The following CACNA1C variants were observed in gnomAD, a reference collection of about 807,000 sequenced individuals.
The protein encoded by CACNA1C is calcium voltage-gated channel subunit alpha1 C, also known as voltage-dependent L-type calcium channel subunit alpha-1C.
A neutral mutation model predicts 229.0 loss-of-function variants in CACNA1C; 30 were observed. The observed-to-expected ratio is 0.13, with a 90% CI of 0.10 to 0.18. The LOEUF (loss-of-function observed/expected upper bound fraction) is 0.18, where lower values mean the gene tolerates loss of function less well. CACNA1C is among the 10% of genes least tolerant of loss of function. CACNA1C has a pLI of 1.00. For missense variants in CACNA1C, 1,658 were observed against 2,845.0 expected (o/e 0.58, Z 9.49); for synonymous variants, 1,114 against 1,132.5 (o/e 0.98, Z 0.33).
chr12:2,565,420 T>C (rs995433714), intron 11 of CACNA1C, among the ~76,000 whole-genome samples: 2 of 146,660 alleles, frequency 1.4e-5, no homozygotes, highest in Non-Finnish European at 3.0e-5. Flanking sequence ...TGAGCCGAGA[T>C]TGCGCCACTG....
rs1433053196 is a variant in CACNA1C, at chr12:2,034,648, AAAT to A, written c.139+63451_139+63453del. On this transcript the variant is annotated intron_variant, in intron 1 of 46. Coordinates refer to the CACNA1C transcript ENST00000682462. The surrounding 1 kb of genome is among the most constrained non-coding windows in gnomAD (Gnocchi z 4.1). ...GCTGGTTCAATATCCGACGACTTTG[AAAT>A]AATTCGAGGGCTAACTGGCTCATCT... Among the ~76,000 whole-genome samples, 1 of 152,214 alleles carries A rather than the reference AAAT, an allele frequency of 6.6e-6. No homozygotes were observed. The highest frequency in any genetic ancestry group is 1.9e-4 in the East Asian group (1 of 5,200).
chr12:2,391,210 A>G (rs573393740), intron 3 of CACNA1C, among the ~76,000 whole-genome samples: 49 of 152,150 alleles, frequency 3.2e-4, no homozygotes, highest in Non-Finnish European at 5.3e-4. Context: ...ACCAAAGGCC[A>G]TTTGGGGCAT....
intron 3 of CACNA1C, among the ~76,000 whole-genome samples, chr12:2,266,036 C>T (rs183106916): frequency 6.5e-4 from 99 of 152,328 alleles, no homozygotes; most frequent in Non-Finnish European, 9.7e-4. Flanking sequence ...CGTTGGGCTC[C>T]GTGGACACAG....
At position 2,653,858 on chromosome 12, in the gene CACNA1C, G is replaced by T. The variant is rs1291668631; in HGVS notation, c.4098G>T (p.Leu1366=). 1 of 1,613,818 alleles carries T rather than the reference G, an allele frequency of 6.2e-7. No individual in the cohort carries two copies. The highest frequency in any genetic ancestry group is 1.6e-4 in the Middle Eastern group (1 of 6,084). Residue 1366 remains leucine, a synonymous_variant, in exon 33 of 47, where the codon CTG becomes CTT. Coordinates refer to ENST00000399655, the MANE Select transcript of CACNA1C (RefSeq NM_000719.7). This position sits in a 1 kb window ranked among gnomAD's most constrained non-coding sequence, Gnocchi z 4.7. ...SFQALPYVAL[L]IVMLFFIYAV... ...AGGCCCTGCCCTATGTGGCCCTCCT[G>T]ATCGTGATGCTGTTCTTCATCTACG... is the stretch of plus-strand genomic sequence containing the variant.
intron 1 of CACNA1C, among the ~76,000 whole-genome samples, chr12:2,063,701 G>A (rs1380639378): frequency 6.6e-6 from 1 of 152,152 alleles, no homozygotes; most frequent in Admixed American, 6.5e-5. Flanking sequence ...GTTCATCCAC[G>A]TTGTACCATG....
At chr12:2,513,630 G>A (rs1030511954) in intron 9 of CACNA1C, among the ~76,000 whole-genome samples, 1 of 152,222 alleles carries the variant, frequency 6.6e-6, no homozygotes, top group African/African-American at 2.4e-5. Context: ...AGATAGAAAT[G>A]AAAGTGATGG....
intron 3 of CACNA1C, among the ~76,000 whole-genome samples, chr12:2,360,450 C>T (rs1209785099): frequency 6.6e-6 from 1 of 152,106 alleles, no homozygotes; most frequent in Non-Finnish European, 1.5e-5. Flanking sequence ...AGAACCCCTG[C>T]GTCTCTCCCT....
rs2097689482 is a variant in CACNA1C, at chr12:2,689,306, C to T, written c.6117+527C>T. On this transcript the variant is annotated intron_variant, in intron 46 of 46. Coordinates refer to ENST00000399655, the MANE Select transcript of CACNA1C (RefSeq NM_000719.7). This position sits in a 1 kb window ranked among gnomAD's most constrained non-coding sequence, Gnocchi z 4.2. ...ATCCCGGCACCACATTATTAGGGACCTTTGACACACTGGAACAAACCCAAC... is the reference window on the plus strand; with the variant it reads ...ATCCCGGCACCACATTATTAGGGACTTTTGACACACTGGAACAAACCCAAC... Among the ~76,000 whole-genome samples the T allele has an allele frequency of 6.6e-6, 1 of 152,128 alleles. No homozygotes were observed. The highest frequency in any genetic ancestry group is 1.9e-4 in the East Asian group (1 of 5,172).
At chr12:2,662,255 A>G (rs1335258040) in intron 34 of CACNA1C, among the ~76,000 whole-genome samples, 3 of 147,838 alleles carry the variant, frequency 2.0e-5, no homozygotes, top group Non-Finnish European at 4.5e-5. Flanking sequence ...AAAAAAAAAC[A>G]AGACAGGAAA....
Position 2,053,695 on chromosome 12 carries a change from G to T in CACNA1C, c.49+84G>T. The T allele has an allele frequency of 7.0e-7, 1 of 1,433,106 alleles. No individual in the cohort carries two copies. The highest frequency in any genetic ancestry group is 2.5e-5 in the Admixed American group (1 of 39,690). The allele number at this position is 1,433,106 out of a possible 1,614,324, so 88.8% of individuals were successfully genotyped here. ...CCTACCCGCGCTCCCCGCGGCCCCG[G>T]GGCCGGTCCCTGCGGAGTGGCCCGG... On this transcript the variant is annotated intron_variant, in intron 1 of 46. Coordinates refer to ENST00000399655, the MANE Select transcript of CACNA1C (RefSeq NM_000719.7). The surrounding 1 kb of genome is among the most constrained non-coding windows in gnomAD (Gnocchi z 5.8).
intron 16 of CACNA1C, 144 bp downstream of exon 16, chr12:2,584,761 T>C (rs2061791713): frequency 1.7e-6 from 1 of 604,252 alleles, no homozygotes; most frequent in Non-Finnish European, 3.0e-6. Flanking sequence ...CTTCCTAAGT[T>C]GGGCCTCTCT....
rs2097811418 is a variant in CACNA1C, at chr12:2,693,590, C to T, written c.*2391C>T. On this transcript the variant is annotated 3_prime_UTR_variant, in exon 47 of 47. Transcript: ENST00000399655. ...GAGCAGCCTTTCCTTCAGGCTTGCCCTAATGTTTGGGCTGCCGGGGAGGGG... is the reference window on the plus strand; with the variant it reads ...GAGCAGCCTTTCCTTCAGGCTTGCCTTAATGTTTGGGCTGCCGGGGAGGGG... 2 of 152,188 alleles carry T rather than the reference C, an allele frequency of 1.3e-5. No individual in the cohort carries two copies. The highest frequency in any genetic ancestry group is 4.1e-4 in the South Asian group (2 of 4,824). 9.4% of individuals were successfully genotyped at this position (152,188 alleles called of 1,614,324 possible).
chr12:2,178,906 A>G lies in CACNA1C; in HGVS notation c.477+58476A>G, dbSNP rs574030254. ...ACAAAACCCTGTCTGTACTAAAAAT[A>G]CAAAAATTAGCTAGTTGAGGTGACA... On this transcript the variant is annotated intron_variant, in intron 3 of 46. Coordinates refer to ENST00000399655, the MANE Select transcript of CACNA1C (RefSeq NM_000719.7). 2.2e-4 allele frequency among the ~76,000 whole-genome samples: 34 copies of G among 152,250 alleles called. No homozygotes were observed. In the South Asian group the frequency reaches 6.6e-3, roughly 30 times the overall value.
At chr12:2,292,490 A>G (rs1370545596) in intron 3 of CACNA1C, among the ~76,000 whole-genome samples, 1 of 152,216 alleles carries the variant, frequency 6.6e-6, no homozygotes, top group Non-Finnish European at 1.5e-5. Flanking sequence ...GGTCAGGAGC[A>G]CTGTTTCAGG....
chr12:2,185,163 T>C (rs367660245), intron 3 of CACNA1C, among the ~76,000 whole-genome samples: 18 of 152,208 alleles, frequency 1.2e-4, no homozygotes, highest in African/African-American at 3.1e-4. Flanking sequence ...CCCTGGCTTT[T>C]GTCACTCCCA....
At chr12:2,603,272 C>G (rs899664114) in intron 22 of CACNA1C, 4 of 152,188 alleles carry the variant, frequency 2.6e-5, no homozygotes, top group African/African-American at 9.7e-5. Flanking sequence ...CAAACTGACT[C>G]CCTCCCAGAG....
At position 2,575,952 on chromosome 12, in the gene CACNA1C, G is replaced by C. The variant is rs943767335; in HGVS notation, c.1896-5638G>C. 1.3e-5 allele frequency among the ~76,000 whole-genome samples: 2 copies of C among 152,144 alleles called. No homozygotes were observed. Among genetic ancestry groups the C allele is most frequent in the Non-Finnish European group, 2.9e-5 (2 of 68,032 alleles). On this transcript the variant is annotated intron_variant, in intron 13 of 46. Coordinates refer to ENST00000399655, the MANE Select transcript of CACNA1C (RefSeq NM_000719.7). The surrounding 1 kb of genome is among the most constrained non-coding windows in gnomAD (Gnocchi z 4.0). The stretch of plus-strand genomic sequence containing the variant: ...AATTCCACAGAGCCCCAAACCCAGA[G>C]ACAGACCTAGAGACGGGGAAACAAA...
intron 2 of CACNA1C, among the ~76,000 whole-genome samples, chr12:2,119,673 G>A (rs919896276): frequency 6.6e-6 from 1 of 152,018 alleles, no homozygotes; most frequent in African/African-American, 2.4e-5. Flanking sequence ...GACCAGAGGG[G>A]TTTCTATGCT....
At chr12:2,576,687 C>T (rs1220953927) in intron 13 of CACNA1C, among the ~76,000 whole-genome samples, 1 of 152,108 alleles carries the variant, frequency 6.6e-6, no homozygotes, top group Admixed American at 6.5e-5. Flanking sequence ...CTGTGCGAGC[C>T]ATCAGACCAC....
Sources: gnomAD v4.1 joint callset for allele counts (sites outside exome capture counted in the v4.1 genomes callset) on GRCh38, gnomAD v4.1.1 for gene constraint, Gnocchi (gnomAD v3.1) non-coding constraint, MANE v1.5 for transcripts, NCBI Gene and HGNC (gene_info 2026-07-23, HGNC 2026-07-21) for gene names.